The following CABIN1 variants were observed in gnomAD, a reference collection of about 807,000 sequenced individuals.
The protein encoded by CABIN1 is calcineurin binding protein 1.
CABIN1 carries 133 observed loss-of-function variants against 227.7 expected under a neutral mutation model. The ratio of observed to expected loss-of-function variants is 0.58; its 90% CI spans 0.51 to 0.67. The LOEUF (loss-of-function observed/expected upper bound fraction) is 0.67. Among genes scored for constraint, CABIN1 ranks in the 30% least tolerant of loss-of-function variants. CABIN1 has a pLI of 0.00. For synonymous variants in CABIN1, 1,086 were observed against 1,155.1 expected, an observed-to-expected ratio of 0.94 and a Z score of 1.21; for missense variants, 2,408 against 2,852.5, an observed-to-expected ratio of 0.84 and a Z score of 3.55.
intron 12 of CABIN1, among the ~76,000 whole-genome samples, 191 bp downstream of exon 12, chr22:24,060,332 G>A (rs2039100732): frequency 6.6e-6 from 1 of 152,182 alleles, no homozygotes. Context: ...CCTGATGGCT[G>A]AGTGGAGGAT....
chr22:24,022,930 A>G (rs757167840), intron 1 of CABIN1, among the ~76,000 whole-genome samples: 1 of 152,206 alleles, frequency 6.6e-6, no homozygotes, highest in East Asian at 1.9e-4. Flanking sequence ...CAAAATTTGT[A>G]TAACATAAAA....
chr22:24,037,248 A>G (rs2036972438), intron 3 of CABIN1, among the ~76,000 whole-genome samples: 1 of 144,828 alleles, frequency 6.9e-6, no homozygotes, highest in South Asian at 2.3e-4. Context: ...CGACAGAGTG[A>G]GACCCCGTCT....
At chr22:24,093,715 A>G (rs887586907) in intron 24 of CABIN1, among the ~76,000 whole-genome samples, 1 of 151,578 alleles carries the variant, frequency 6.6e-6, no homozygotes, top group Non-Finnish European at 1.5e-5. Context: ...CCCCATCTCT[A>G]CAAAAAATAA....
chr22:24,068,437 T>TG (rs2039848921), intron 16 of CABIN1, among the ~76,000 whole-genome samples: 1 of 152,220 alleles, frequency 6.6e-6, no homozygotes, highest in African/African-American at 2.4e-5. Flanking sequence ...TGCTCAGATG[T>TG]GGTCTTGCTC....
chr22:24,026,788 C>A lies in CABIN1; in HGVS notation c.-74-8656C>A, dbSNP rs190129747. ...CACTACGCTGCCTTGATTATTACAG[C>A]TTTATTGTAAGTTTTTAAATTGTGT... On this transcript the variant is annotated intron_variant, in intron 1 of 36. Coordinates refer to ENST00000263119, the MANE Select transcript of CABIN1 (RefSeq NM_012295.4). 2.4e-3 allele frequency among the ~76,000 whole-genome samples: 370 copies of A among 152,254 alleles called. 1 individual carries two copies. Among genetic ancestry groups the A allele is most frequent in the Non-Finnish European group, 3.8e-3 (259 of 68,010 alleles).
At position 24,072,359 on chromosome 22, in the gene CABIN1, T is replaced by C. The variant is rs1391940496; in HGVS notation, c.2481T>C (p.Ile827=). The change falls in exon 18 of 37, where the codon ATT becomes ATC. Residue 827 remains isoleucine, a synonymous_variant. Transcript: ENST00000263119. ...VRLTNNLIQV[I]DCSMAVQEEA... ...CTCCCACCCCGCACTGTCAGGTCAT[T>C]GACTGCAGCATGGCTGTGCAGGAGG... 6.2e-7 allele frequency: 1 copy of C among 1,614,170 alleles called. No individual in the cohort carries two copies. Among genetic ancestry groups the C allele is most frequent in the Admixed American group, 1.7e-5 (1 of 60,032 alleles).
rs2037076070 is a variant in CABIN1 at position 24,038,234 on chromosome 22, C to A, written c.97-114C>A. On this transcript the variant is annotated intron_variant, in intron 3 of 36. Coordinates refer to ENST00000263119, the MANE Select transcript of CABIN1 (RefSeq NM_012295.4). The stretch of plus-strand genomic sequence containing the variant: ...GAGGTGGGGGAGCTGAAAGTTCCAG[C>A]TATCTAATCACATGGTTGGTTCCTC... The A allele has an allele frequency of 5.1e-6, 4 of 789,336 alleles. No homozygotes were observed. In the Admixed American group the frequency reaches 7.4e-5, roughly 15 times the overall value. 48.9% of individuals were successfully genotyped at this position (789,336 alleles called of 1,614,324 possible).
intron 23 of CABIN1, among the ~76,000 whole-genome samples, chr22:24,088,155 T>G (rs908108968): frequency 2.0e-5 from 3 of 152,188 alleles, no homozygotes; most frequent in Non-Finnish European, 4.4e-5. Flanking sequence ...AGGTCTCTGT[T>G]CAGTAGGGTA....
At chr22:24,129,982 T>G (rs2043977125) in intron 28 of CABIN1, among the ~76,000 whole-genome samples, 1 of 152,246 alleles carries the variant, frequency 6.6e-6, no homozygotes, top group South Asian at 2.1e-4. Flanking sequence ...CTCTGCCTTC[T>G]GCTGTGAAGC....
At chr22:24,028,964 G>T (rs2267050) in intron 1 of CABIN1, among the ~76,000 whole-genome samples, 2,451 of 152,238 alleles carry the variant, frequency 0.016, 80 homozygotes, top group East Asian at 0.14. Context: ...CATTTAGAAA[G>T]AACCATCTCT....
intron 29 of CABIN1, among the ~76,000 whole-genome samples, chr22:24,159,666 G>A (rs1286692392): frequency 2.0e-5 from 3 of 152,210 alleles, no homozygotes; most frequent in Non-Finnish European, 4.4e-5. Context: ...ATGGCCCTGG[G>A]AATGACAGAA....
At chr22:24,147,724 A>G (rs1351720027) in intron 29 of CABIN1, among the ~76,000 whole-genome samples, 1 of 152,094 alleles carries the variant, frequency 6.6e-6, no homozygotes, top group Non-Finnish European at 1.5e-5. Flanking sequence ...GATTACAGGC[A>G]TGAGCCAGTG....
At chr22:24,113,173 GCTA>G (rs1408275681) in intron 26 of CABIN1, among the ~76,000 whole-genome samples, 1 of 152,234 alleles carries the variant, frequency 6.6e-6, no homozygotes, top group Non-Finnish European at 1.5e-5. Flanking sequence ...CATAGTGGTG[GCTA>G]CTGTGCATCT....
At chr22:24,126,722 G>A (rs1390888175) in intron 28 of CABIN1, among the ~76,000 whole-genome samples, 1 of 152,196 alleles carries the variant, frequency 6.6e-6, no homozygotes, top group Non-Finnish European at 1.5e-5. Context: ...GCAAGGGCTG[G>A]GCATGGTGGC....
intron 17 of CABIN1, among the ~76,000 whole-genome samples, chr22:24,071,670 C>A (rs1239958197): frequency 6.6e-6 from 1 of 152,150 alleles, no homozygotes; most frequent in African/African-American, 2.4e-5. Context: ...CCGCTCCAGC[C>A]GCTTTCCAGC....
chr22:24,083,518 C>T (rs1298550985), intron 20 of CABIN1, 129 bp downstream of exon 20: 7 of 979,840 alleles, frequency 7.1e-6, no homozygotes, highest in Non-Finnish European at 7.9e-6. Context: ...GGAGAGAAGA[C>T]GGTCTGATGA....
At chr22:24,026,799 G>T (rs1848120774) in intron 1 of CABIN1, among the ~76,000 whole-genome samples, 1 of 152,154 alleles carries the variant, frequency 6.6e-6, no homozygotes, top group Non-Finnish European at 1.5e-5. Context: ...TTTATTGTAA[G>T]TTTTTAAATT....
In CABIN1 at chr22:24,084,736, C is replaced by A; in HGVS notation, c.3068C>A (p.Ala1023Asp). 18 of 1,614,210 alleles carry A rather than the reference C, an allele frequency of 1.1e-5. No individual in the cohort carries two copies. Among genetic ancestry groups the A allele is most frequent in the Non-Finnish European group, 1.4e-5 (17 of 1,180,040 alleles). The change falls in exon 21 of 37, where the codon GCC becomes GAC. Residue 1023 changes from alanine to aspartate, a missense_variant. Around this residue, in one of 3 missense-constraint regions of CABIN1, gnomAD observed 649 missense variants for 910.3 expected, o/e 0.71. Coordinates refer to ENST00000263119, the MANE Select transcript of CABIN1 (RefSeq NM_012295.4). ...ATTGTGCCTCGCACAGAGAGGCCAG[C>A]CCTTAGCCTGGACAAAGTCTCTGCC... ...ATIVPRTERP[A>D]LSLDKVSAYI...
At chr22:24,114,061 G>T (rs201676257) in intron 27 of CABIN1, among the ~76,000 whole-genome samples, 8 of 82,116 alleles carry the variant, frequency 9.7e-5, no homozygotes, top group Non-Finnish European at 1.5e-4. Flanking sequence ...CTCTGTTTTT[G>T]TTGTTGTTGT....
Sources: allele counts gnomAD v4.1 joint callset (sites outside exome capture counted in the v4.1 genomes callset), GRCh38; gene constraint gnomAD v4.1.1; regional missense constraint gnomAD v4.1.1; transcripts MANE v1.5; gene names NCBI Gene and HGNC (gene_info 2026-07-23, HGNC 2026-07-21).